SCN3A: variants seen among roughly 807,000 people sequenced by gnomAD.
SCN3A encodes sodium channel protein type 3 subunit alpha.
A neutral mutation model predicts 187.6 loss-of-function variants in SCN3A; 60 were observed. The observed-to-expected ratio is 0.32, with a 90% confidence interval of 0.26 to 0.40. The LOEUF is 0.40. SCN3A is among the 10% of genes least tolerant of loss of function. SCN3A has a pLI of 1.00. For missense variants in SCN3A, 1,601 were observed against 2,428.2 expected, an observed-to-expected ratio of 0.66 and a Z score of 7.16; for synonymous variants, 788 against 829.2, an observed-to-expected ratio of 0.95 and a Z score of 0.85.
At chr2:165,139,179 G>A (rs1687846506) in intron 14 of SCN3A, among the ~76,000 whole-genome samples, 1 of 152,094 alleles carries the variant, frequency 6.6e-6, no homozygotes, top group East Asian at 1.9e-4. Context: ...CTTAGAAAAG[G>A]GGAAGAGTTT....
rs192765288 is a variant in SCN3A, at chr2:165,160,909, G to A, written c.1031+1399C>T. On this transcript the variant is annotated intron_variant, in intron 9 of 27. Coordinates refer to ENST00000283254, the MANE Select transcript of SCN3A (RefSeq NM_006922.4). ...CCCTGCCTCTGCTTCCCAAAGTGCT[G>A]GGATTACAGGTGTGAGCCACCGCTC... 5.4e-3 allele frequency among the ~76,000 whole-genome samples: 819 copies of A among 152,068 alleles called. 4 individuals carry two copies. Among genetic ancestry groups the A allele is most frequent in the Non-Finnish European group, 9.8e-3 (666 of 67,994 alleles).
intron 2 of SCN3A, among the ~76,000 whole-genome samples, chr2:165,185,166 C>T (rs561205841): frequency 2.6e-5 from 4 of 152,112 alleles, no homozygotes; most frequent in East Asian, 1.9e-4. Flanking sequence ...TCTGTGACTT[C>T]GTCCTTATCA....
At chr2:165,118,133 T>C (rs1686462548) in intron 18 of SCN3A, among the ~76,000 whole-genome samples, 1 of 152,226 alleles carries the variant, frequency 6.6e-6, no homozygotes, top group East Asian at 1.9e-4. Flanking sequence ...GATTAACTTG[T>C]TTGGACATAA....
intron 11 of SCN3A, among the ~76,000 whole-genome samples, chr2:165,151,280 G>T (rs1339266730): frequency 1.3e-5 from 2 of 152,092 alleles, no homozygotes; most frequent in Non-Finnish European, 2.9e-5. Flanking sequence ...AAGTAACTCA[G>T]AATTGTTAAA....
chr2:165,131,131 C>T (rs1198005862), intron 16 of SCN3A, 113 bp downstream of exon 16: 2 of 563,440 alleles, frequency 3.5e-6, no homozygotes, highest in African/African-American at 4.0e-5. Context: ...CTTAGAATGT[C>T]ACATATTGAT....
chr2:165,092,299 C>CTAT lies in SCN3A; in HGVS notation c.4759_4761dup (p.Ile1587dup). Reference sequence around the variant, plus strand: ...ACCACAAAGTCAAAGATGTTCCAGCCTATAGTGAAGTAGTAGTGTCTGAGG... The same window carrying CTAT: ...ACCACAAAGTCAAAGATGTTCCAGCCTATTATAGTGAAGTAGTAGTGTCTGAGG... On this transcript the variant is annotated inframe_insertion, in exon 27 of 28. Coordinates refer to ENST00000283254, the MANE Select transcript of SCN3A (RefSeq NM_006922.4). This position sits in a 1 kb window ranked among gnomAD's most constrained non-coding sequence, Gnocchi z 4.2. 6.2e-7 allele frequency: 1 copy of CTAT among 1,613,950 alleles called. No homozygotes were observed. The highest frequency in any genetic ancestry group is 8.5e-7 in the Non-Finnish European group (1 of 1,179,914).
chr2:165,163,730 C>A, intron 6 of SCN3A, 21 bp from the exon 7 acceptor site: 1 of 1,614,008 alleles, frequency 6.2e-7, no homozygotes, highest in African/African-American at 1.3e-5. Context: ...GGAGTTCACA[C>A]ACAAACACAA....
At chr2:165,147,069 G>A (rs201523484) in intron 11 of SCN3A, 40 bp from the exon 12 acceptor site, 8 of 1,611,102 alleles carry the variant, frequency 5.0e-6, no homozygotes, top group African/African-American at 2.7e-5. Context: ...AGAACACAGA[G>A]CTTTGAAAAC....
At chr2:165,094,510 CTG>C (rs1685263870) in intron 25 of SCN3A, 32 bp from the exon 26 acceptor site, 1 of 1,427,224 alleles carries the variant, frequency 7.0e-7, no homozygotes, top group Non-Finnish European at 9.9e-7. Context: ...GGTTACAATT[CTG>C]TGTTCCAATA....
At chr2:165,156,834 G>A (rs575578636) in intron 9 of SCN3A, among the ~76,000 whole-genome samples, 2 of 152,088 alleles carry the variant, frequency 1.3e-5, no homozygotes, top group Admixed American at 1.3e-4. Flanking sequence ...TTACAGGTGC[G>A]AGCCACCGCA....
intron 12 of SCN3A, among the ~76,000 whole-genome samples, chr2:165,141,917 G>A (rs935704048): frequency 6.6e-5 from 10 of 152,114 alleles, no homozygotes; most frequent in African/African-American, 1.9e-4. Flanking sequence ...GATAAATTAA[G>A]CAAACTATTT....
intron 18 of SCN3A, among the ~76,000 whole-genome samples, chr2:165,118,173 A>G (rs1332225266): frequency 1.3e-5 from 2 of 152,154 alleles, no homozygotes; most frequent in Admixed American, 6.5e-5. Context: ...GAGGTTATGT[A>G]TTTATACATC....
intron 2 of SCN3A, among the ~76,000 whole-genome samples, chr2:165,180,618 G>T (rs1452933195): frequency 2.0e-5 from 3 of 152,078 alleles, no homozygotes; most frequent in Non-Finnish European, 1.5e-5. Context: ...ACAAGAAAGA[G>T]CATGGAGAGT....
At chr2:165,120,225 C>G (rs955796546) in intron 18 of SCN3A, among the ~76,000 whole-genome samples, 1 of 151,860 alleles carries the variant, frequency 6.6e-6, no homozygotes, top group Admixed American at 6.6e-5. Context: ...GACATGGTAC[C>G]TGAATATGAA....
intron 2 of SCN3A, among the ~76,000 whole-genome samples, chr2:165,184,162 A>G (rs1691074120): frequency 6.6e-6 from 1 of 152,174 alleles, no homozygotes; most frequent in Admixed American, 6.5e-5. Flanking sequence ...AAAGGCATAC[A>G]TAGAGCACTC....
At chr2:165,139,757 A>C in intron 13 of SCN3A, 149 bp from the exon 14 acceptor site, 1 of 994,810 alleles carries the variant, frequency 1.0e-6, no homozygotes, top group Non-Finnish European at 1.5e-6. Context: ...TAAGTTATAA[A>C]CAGTTTTTTT....
At chr2:165,156,086 A>G (rs1460353401) in intron 9 of SCN3A, among the ~76,000 whole-genome samples, 183 bp from the exon 10 acceptor site, 1 of 152,144 alleles carries the variant, frequency 6.6e-6, no homozygotes, top group East Asian at 1.9e-4. Flanking sequence ...CACTAGGAAG[A>G]CCGATAGAAA....
intron 1 of SCN3A, among the ~76,000 whole-genome samples, chr2:165,190,065 TG>T (rs1409010011): frequency 2.0e-5 from 3 of 152,216 alleles, no homozygotes; most frequent in Non-Finnish European, 4.4e-5. Flanking sequence ...GGTGGGAATG[TG>T]GTTGGCTTTT....
chr2:165,194,620 TC>T (rs1225818305), intron 1 of SCN3A, among the ~76,000 whole-genome samples: 1 of 152,094 alleles, frequency 6.6e-6, no homozygotes, highest in African/African-American at 2.4e-5. Context: ...AAAAGAACTA[TC>T]CCTTGAATCC....
Sources: allele counts gnomAD v4.1 joint callset (sites outside exome capture counted in the v4.1 genomes callset), GRCh38; gene constraint gnomAD v4.1.1; non-coding constraint Gnocchi (gnomAD v3.1); transcripts MANE v1.5; gene names NCBI Gene and HGNC (gene_info 2026-07-23, HGNC 2026-07-21).